EDIL3: variants seen among roughly 807,000 people sequenced by gnomAD.
EDIL3 encodes EGF like and discoidin domains 3.
A neutral mutation model predicts 67.4 loss-of-function variants in EDIL3; 37 were observed. The ratio of observed to expected loss-of-function variants is 0.55; its 90% CI spans 0.42 to 0.72. The LOEUF (loss-of-function observed/expected upper bound fraction) is 0.72. EDIL3 is among the 30% of genes least tolerant of loss of function. The pLI is 0.00. For missense variants in EDIL3, 527 were observed against 586.3 expected (o/e 0.90, Z 1.04); for synonymous variants, 195 against 196.3 (o/e 0.99, Z 0.05).
intron 4 of EDIL3, among the ~76,000 whole-genome samples, chr5:84,167,102 T>C (rs919975960): frequency 2.0e-5 from 3 of 152,120 alleles, no homozygotes; most frequent in Non-Finnish European, 4.4e-5. Context: ...TATTTGAAGG[T>C]ATCGGTCTGG....
At chr5:84,027,365 A>C (rs1745834209) in intron 9 of EDIL3, among the ~76,000 whole-genome samples, 1 of 152,190 alleles carries the variant, frequency 6.6e-6, no homozygotes, top group African/African-American at 2.4e-5. Context: ...TGAGTTGCAG[A>C]GAGAGATTAC....
At chr5:84,234,037 T>C (rs1744634159) in intron 2 of EDIL3, among the ~76,000 whole-genome samples, 1 of 152,214 alleles carries the variant, frequency 6.6e-6, no homozygotes, top group African/African-American at 2.4e-5. Context: ...AGTTGAGCTT[T>C]TTGTTATTTA....
chr5:84,238,146 GGTGT>G (rs150829568), intron 2 of EDIL3, among the ~76,000 whole-genome samples: 1 of 150,762 alleles, frequency 6.6e-6, no homozygotes. Context: ...CTTGGCAAAC[GGTGT>G]GTGTGTGTGT....
chr5:84,366,532 A>G (rs73146533), intron 1 of EDIL3, among the ~76,000 whole-genome samples: 1 of 152,070 alleles, frequency 6.6e-6, no homozygotes, highest in African/African-American at 2.4e-5. Context: ...TGTTTTGTAC[A>G]TTTTTCTTTC....
chr5:84,342,214 G>A (rs1341840371), intron 1 of EDIL3, among the ~76,000 whole-genome samples: 3 of 152,044 alleles, frequency 2.0e-5, no homozygotes, highest in East Asian at 3.9e-4. Flanking sequence ...AGATACATGA[G>A]TGGAATTGGA....
intron 5 of EDIL3, among the ~76,000 whole-genome samples, chr5:84,124,474 GA>G (rs756689695): frequency 1.4e-5 from 2 of 142,328 alleles, no homozygotes; most frequent in Non-Finnish European, 3.2e-5. Context: ...CAAAACAGGT[GA>G]AATGTCAACA....
chr5:84,222,661 G>T (rs1280462950), intron 3 of EDIL3, among the ~76,000 whole-genome samples: 6 of 151,690 alleles, frequency 4.0e-5, no homozygotes, highest in Admixed American at 6.6e-5. Context: ...TTGTCAAAAG[G>T]ATTATCTTTT....
chr5:84,246,363 T>A (rs1255981366), intron 2 of EDIL3, among the ~76,000 whole-genome samples: 1 of 152,220 alleles, frequency 6.6e-6, no homozygotes, highest in Non-Finnish European at 1.5e-5. Flanking sequence ...GTTAACCATC[T>A]TCTATCCAGC....
intron 1 of EDIL3, among the ~76,000 whole-genome samples, chr5:84,334,014 AATCTT>A (rs1354299423): frequency 6.6e-6 from 1 of 152,040 alleles, no homozygotes; most frequent in Non-Finnish European, 1.5e-5. Context: ...ATTGATCTAG[AATCTT>A]TGTATGTAAG....
chr5:84,002,990 G>C (rs1407089689), intron 9 of EDIL3, among the ~76,000 whole-genome samples: 1 of 152,160 alleles, frequency 6.6e-6, no homozygotes, highest in African/African-American at 2.4e-5. Context: ...GTGTCTCTCT[G>C]GGGTGGAGTT....
chr5:84,273,321 T>C (rs1745512559), intron 1 of EDIL3, among the ~76,000 whole-genome samples: 1 of 152,122 alleles, frequency 6.6e-6, no homozygotes, highest in Non-Finnish European at 1.5e-5. Context: ...AGAAAGGGAT[T>C]TCCTTTAGAA....
intron 9 of EDIL3, among the ~76,000 whole-genome samples, chr5:84,012,471 C>T (rs577322463): frequency 1.3e-5 from 2 of 152,196 alleles, no homozygotes; most frequent in Non-Finnish European, 2.9e-5. Flanking sequence ...GGAAATTAAC[C>T]TCAGTTTGAG....
intron 3 of EDIL3, among the ~76,000 whole-genome samples, chr5:84,207,215 A>G (rs545385285): frequency 5.9e-5 from 9 of 152,364 alleles, no homozygotes; most frequent in Non-Finnish European, 1.0e-4. Flanking sequence ...ATACAAAATC[A>G]AAGTACAAAA....
intron 6 of EDIL3, among the ~76,000 whole-genome samples, chr5:84,105,838 G>T (rs1747450451): frequency 6.6e-6 from 1 of 151,998 alleles, no homozygotes; most frequent in African/African-American, 2.4e-5. Context: ...CTCAGGCCTA[G>T]CTCAAAAGCT....
chr5:84,203,758 CTT>C (rs546950242), intron 3 of EDIL3, among the ~76,000 whole-genome samples: 359 of 152,264 alleles, frequency 2.4e-3, no homozygotes, highest in Admixed American at 4.4e-3. Flanking sequence ...AGACAATACT[CTT>C]TACTTTTAGA....
At chr5:84,082,301 A>G (rs1746985063) in intron 6 of EDIL3, among the ~76,000 whole-genome samples, 1 of 152,256 alleles carries the variant, frequency 6.6e-6, no homozygotes, top group Non-Finnish European at 1.5e-5. Flanking sequence ...AAAAACAAAT[A>G]TCACAAATAA....
At chr5:83,986,644 C>T (rs1336832391) in intron 9 of EDIL3, among the ~76,000 whole-genome samples, 1 of 152,074 alleles carries the variant, frequency 6.6e-6, no homozygotes, top group Non-Finnish European at 1.5e-5. Context: ...GTGGGACAAG[C>T]AGACTTGTGT....
intron 9 of EDIL3, among the ~76,000 whole-genome samples, chr5:84,018,913 G>A (rs1745656328): frequency 6.6e-6 from 1 of 152,176 alleles, no homozygotes; most frequent in Admixed American, 6.5e-5. Context: ...TGGAGAGGAT[G>A]TGGAGAAATA....
chr5:84,258,115 T>C (rs1014706691), intron 1 of EDIL3, among the ~76,000 whole-genome samples: 2 of 152,208 alleles, frequency 1.3e-5, no homozygotes, highest in Non-Finnish European at 2.9e-5. Context: ...ATTAGGGTTA[T>C]TATAGATTTT....
Sources: gnomAD v4.1 joint callset for allele counts (sites outside exome capture counted in the v4.1 genomes callset) on GRCh38, gnomAD v4.1.1 for gene constraint, MANE v1.5 for transcripts, NCBI Gene and HGNC (gene_info 2026-07-23, HGNC 2026-07-21) for gene names.